MDM2: variants seen among roughly 807,000 people sequenced by gnomAD.
The protein encoded by MDM2 is MDM2 proto-oncogene, also known as E3 ubiquitin-protein ligase Mdm2.
A neutral mutation model predicts 64.3 loss-of-function variants in MDM2; 11 were observed. That is an observed-to-expected ratio of 0.17 (90% confidence interval 0.11 to 0.28). MDM2 has a LOEUF of 0.28. MDM2 is among the 10% of genes least tolerant of loss of function. The pLI is 1.00. For missense variants in MDM2, 388 were observed against 577.1 expected, an observed-to-expected ratio of 0.67 and a Z score of 3.36; for synonymous variants, 194 against 192.9, an observed-to-expected ratio of 1.01 and a Z score of -0.05.
In MDM2 at chr12:68,836,732, C is replaced by T; in HGVS notation, c.901C>T (p.Pro301Ser). ...TGATACAGATTCATTTGAAGAAGAT[C>T]CTGAAATTTCCTTAGCTGTAAGTAT... ...ESDTDSFEEDPEISLADYWKC... is the reference protein window; with the variant it reads ...ESDTDSFEEDSEISLADYWKC... The change falls in exon 10 of 11, where the codon CCT becomes TCT. Residue 301 changes from proline to serine, a missense_variant. Transcript: ENST00000258149. 1 of 1,610,734 alleles carries T rather than the reference C, an allele frequency of 6.2e-7. No homozygotes were observed. The highest frequency in any genetic ancestry group is 8.5e-7 in the Non-Finnish European group (1 of 1,177,534).
At chr12:68,831,634 A>G (rs1388792496) in intron 8 of MDM2, among the ~76,000 whole-genome samples, 1 of 152,144 alleles carries the variant, frequency 6.6e-6, no homozygotes, top group Non-Finnish European at 1.5e-5. Context: ...ATTTTTCTGG[A>G]GCTACGAAAA....
rs1004905985 is a variant in MDM2 at position 68,825,122 on chromosome 12, TCA to T, written c.523+473_523+474del. Among the ~76,000 whole-genome samples the T allele has an allele frequency of 3.4e-4, 52 of 152,240 alleles. 1 individual carries two copies. Among genetic ancestry groups the T allele is most frequent in the African/African-American group, 1.2e-3 (51 of 41,540 alleles). ...TACTCAGGAGGTTGAGGAAGGAGAA[TCA>T]CTTCAACCCGGGAGGTAGAAGTTAC... On this transcript the variant is annotated intron_variant, in intron 7 of 10. Coordinates refer to ENST00000258149, the MANE Select transcript of MDM2 (RefSeq NM_002392.6).
chr12:68,823,259 G>A (rs541127230), intron 5 of MDM2, among the ~76,000 whole-genome samples: 1 of 152,172 alleles, frequency 6.6e-6, no homozygotes, highest in African/African-American at 2.4e-5. Flanking sequence ...TCCAAGGGGG[G>A]TAGTAAAGGG....
intron 7 of MDM2, 35 bp from the exon 8 acceptor site, chr12:68,828,736 G>T: frequency 2.5e-6 from 4 of 1,605,088 alleles, no homozygotes; most frequent in Non-Finnish European, 2.6e-6. Flanking sequence ...CTAAATCACA[G>T]TACAGCAATT....
In MDM2 at chr12:68,827,196, A is replaced by C. The variant is rs141577518; in HGVS notation, c.524-1575A>C. The stretch of plus-strand genomic sequence containing the variant: ...TTTGTCTCAAGAAAATGATAAAAAA[A>C]GTCCTTTCAGAAATCTGTGATACTA... On this transcript the variant is annotated intron_variant, in intron 7 of 10. Transcript: ENST00000258149. Among the ~76,000 whole-genome samples the C allele has an allele frequency of 5.5e-3, 830 of 152,280 alleles. 4 individuals are homozygous for C. Among genetic ancestry groups the C allele is most frequent in the Non-Finnish European group, 9.4e-3 (642 of 68,018 alleles).
At position 68,808,218 on chromosome 12, in the gene MDM2, G is replaced by T; in HGVS notation, c.-260G>T. ...ACCGCGGCGAGCTTGGCTGCTTCTG[G>T]GGCCTGTGTGGCCCTGTGTGTCGGA... On this transcript the variant is annotated 5_prime_UTR_variant, in exon 1 of 11. Transcript: ENST00000258149. 3 of 540,344 alleles carry T rather than the reference G, an allele frequency of 5.6e-6. 1 individual carries two copies. The highest frequency in any genetic ancestry group is 9.8e-6 in the Non-Finnish European group (3 of 307,412). 33.5% of individuals were successfully genotyped at this position (540,344 alleles called of 1,614,324 possible).
intron 10 of MDM2, among the ~76,000 whole-genome samples, chr12:68,837,710 A>G (rs929558532): frequency 7.9e-5 from 12 of 152,218 alleles, no homozygotes; most frequent in African/African-American, 2.9e-4. Context: ...AGGATTTGCC[A>G]TTAAAGAAAT....
intron 7 of MDM2, among the ~76,000 whole-genome samples, chr12:68,825,365 A>T (rs888039723): frequency 6.6e-6 from 1 of 151,386 alleles, no homozygotes; most frequent in Non-Finnish European, 1.5e-5. Flanking sequence ...AGAAATGAAG[A>T]GATAAGGGCC....
chr12:68,822,605 TTAAA>T (rs1466613818), intron 5 of MDM2, among the ~76,000 whole-genome samples: 1 of 152,182 alleles, frequency 6.6e-6, no homozygotes, highest in Non-Finnish European at 1.5e-5. Flanking sequence ...CTTCATTTGT[TTAAA>T]TAAACTTTGG....
At position 68,840,015 on chromosome 12, in the gene MDM2, T is replaced by C; in HGVS notation, c.*166T>C. On this transcript the variant is annotated 3_prime_UTR_variant, in exon 11 of 11. Transcript: ENST00000258149. ...CTTTGGTAGTGGAATAGTGAATACT[T>C]ACTATAATTTGACTTGAATATGTAG... The C allele has an allele frequency of 1.7e-6, 1 of 596,260 alleles. No homozygotes were observed. The highest frequency in any genetic ancestry group is 2.8e-6 in the Non-Finnish European group (1 of 352,334). The allele number at this position is 596,260 out of a possible 1,614,324, so 36.9% of individuals were successfully genotyped here.
Position 68,844,428 on chromosome 12 carries a change from C to T in MDM2, c.*4579C>T, listed in dbSNP as rs902129341. On this transcript the variant is annotated 3_prime_UTR_variant, in exon 11 of 11. Coordinates refer to ENST00000258149, the MANE Select transcript of MDM2 (RefSeq NM_002392.6). ...GTAGGAGTAAGAAATGCTGTGTTCT[C>T]CCTGTCTTCTCTTAGGTCACATGGC... 1 of 227,970 alleles carries T rather than the reference C, an allele frequency of 4.4e-6. No homozygotes were observed. The highest frequency in any genetic ancestry group is 5.7e-5 in the Admixed American group (1 of 17,560). The allele number at this position is 227,970 out of a possible 1,614,324, so 14.1% of individuals were successfully genotyped here. A position where few individuals can be genotyped will look rare whatever the true frequency, so the allele number is the denominator to read the frequency against.
chr12:68,811,935 G>A (rs957512614), intron 2 of MDM2, among the ~76,000 whole-genome samples: 1 of 151,322 alleles, frequency 6.6e-6, no homozygotes, highest in Non-Finnish European at 1.5e-5. Flanking sequence ...TAATAGAGAC[G>A]GAGTTTCACT....
At chr12:68,824,730 T>A in intron 7 of MDM2, 79 bp downstream of exon 7, 1 of 919,508 alleles carries the variant, frequency 1.1e-6, no homozygotes, top group Non-Finnish European at 1.7e-6. Context: ...CTTTTAGACT[T>A]AATTAAATTG....
intron 3 of MDM2, among the ~76,000 whole-genome samples, chr12:68,816,589 C>T (rs1462956247): frequency 2.0e-5 from 3 of 151,920 alleles, no homozygotes; most frequent in African/African-American, 7.3e-5. Context: ...TATCTCCTGA[C>T]CTCGTGATCC....
chr12:68,815,433 CTTTTTTT>C (rs58178593), intron 3 of MDM2, among the ~76,000 whole-genome samples: 6 of 93,064 alleles, frequency 6.4e-5, no homozygotes, highest in Non-Finnish European at 1.0e-4. Context: ...GTTTCTTCTT[CTTTTTTT>C]TTTTTTTTTT....
chr12:68,835,659 AG>A (rs1707799210), intron 8 of MDM2, among the ~76,000 whole-genome samples, 169 bp from the exon 9 acceptor site: 1 of 152,218 alleles, frequency 6.6e-6, no homozygotes, highest in Non-Finnish European at 1.5e-5. Flanking sequence ...TGGGGGGCCT[AG>A]TCTTCTGCCC....
At position 68,840,638 on chromosome 12, in the gene MDM2, T is replaced by C; in HGVS notation, c.*789T>C. The C allele has an allele frequency of 5.7e-6, 1 of 174,174 alleles. No homozygotes were observed. The allele number at this position is 174,174 out of a possible 1,614,324, so 10.8% of individuals were successfully genotyped here. On this transcript the variant is annotated 3_prime_UTR_variant, in exon 11 of 11. Coordinates refer to ENST00000258149, the MANE Select transcript of MDM2 (RefSeq NM_002392.6). Reference sequence around the variant, plus strand: ...CTCCTGGCTCAGCCTCTGGAGCAGCTGGGATTACAGGCATGCACCACCATG... The same window carrying C: ...CTCCTGGCTCAGCCTCTGGAGCAGCCGGGATTACAGGCATGCACCACCATG...
Position 68,808,488 on chromosome 12 carries a change from G to A in MDM2, c.11G>A (p.Ser4Asn), listed in dbSNP as rs1411053475. Reference protein sequence around the residue: MVRSRQMCNTNMSV... With the variant: MVRNRQMCNTNMSV... ...GCGCGAAAACCCCGGATGGTGAGGA[G>A]CAGGTACTGGCCCGGCAGCGAGCGG... Residue 4 changes from serine (S) to asparagine (N), a missense_variant, in exon 1 of 11, where the codon AGC (serine) becomes AAC (asparagine). Coordinates refer to ENST00000258149, the MANE Select transcript of MDM2 (RefSeq NM_002392.6). 6.2e-7 allele frequency: 1 copy of A among 1,614,162 alleles called. No homozygotes were observed. The highest frequency in any genetic ancestry group is 8.5e-7 in the Non-Finnish European group (1 of 1,180,014).
chr12:68,846,919 C>T (rs1884333769), downstream of MDM2: 1 of 151,778 alleles, frequency 6.6e-6, no homozygotes, highest in South Asian at 2.1e-4. Context: ...TTTGCATCCA[C>T]TCGACCATAA....
Sources: gnomAD v4.1 joint callset for allele counts (sites outside exome capture counted in the v4.1 genomes callset) on GRCh38, gnomAD v4.1.1 for gene constraint, MANE v1.5 for transcripts, NCBI Gene and HGNC (gene_info 2026-07-23, HGNC 2026-07-21) for gene names.